ZNF804A: variants seen among roughly 807,000 people sequenced by gnomAD.
ZNF804A encodes zinc finger protein 804A.
A neutral mutation model predicts 16.5 loss-of-function variants in ZNF804A; 2 were observed. The ratio of observed to expected loss-of-function variants is 0.12; its 90% CI spans 0.05 to 0.38. ZNF804A has a LOEUF of 0.38. ZNF804A is among the 10% of genes least tolerant of loss of function. The probability of loss-of-function intolerance (pLI) is 0.99; values close to 1 mark genes in which losing one functional copy is unlikely to be tolerated. For missense variants in ZNF804A, 1,473 were observed against 1,390.7 expected, an observed-to-expected ratio of 1.06 and a Z score of -0.94; for synonymous variants, 534 against 489.6, an observed-to-expected ratio of 1.09 and a Z score of -1.20.
At chr2:184,875,270 G>A (rs1696035771) in intron 2 of ZNF804A, among the ~76,000 whole-genome samples, 2 of 152,314 alleles carry the variant, frequency 1.3e-5, no homozygotes, top group African/African-American at 2.4e-5. Context: ...GATCCCTGAT[G>A]TTGGAGGTAA....
intron 1 of ZNF804A, among the ~76,000 whole-genome samples, chr2:184,737,118 G>A (rs1693631181): frequency 6.6e-6 from 1 of 150,906 alleles, no homozygotes; most frequent in South Asian, 2.1e-4. Flanking sequence ...GTGTAGTGGC[G>A]CGATCTCGGC....
At chr2:184,771,044 T>C (rs1301986390) in intron 1 of ZNF804A, among the ~76,000 whole-genome samples, 1 of 152,024 alleles carries the variant, frequency 6.6e-6, no homozygotes, top group African/African-American at 2.4e-5. Flanking sequence ...TAAATTTTGA[T>C]ATATTAATTT....
At chr2:184,641,352 A>G (rs1167089326) in intron 1 of ZNF804A, among the ~76,000 whole-genome samples, 1 of 152,228 alleles carries the variant, frequency 6.6e-6, no homozygotes, top group Non-Finnish European at 1.5e-5. Flanking sequence ...CAAAGCATGT[A>G]GAAACAAAGT....
At chr2:184,645,491 A>C (rs2105696591) in intron 1 of ZNF804A, among the ~76,000 whole-genome samples, 1 of 152,298 alleles carries the variant, frequency 6.6e-6, no homozygotes, top group South Asian at 2.1e-4. Context: ...GTTTTTAAAT[A>C]TTCATTTATT....
chr2:184,683,928 A>G (rs1426428758), intron 1 of ZNF804A, among the ~76,000 whole-genome samples: 2 of 151,934 alleles, frequency 1.3e-5, no homozygotes, highest in Non-Finnish European at 2.9e-5. Context: ...AGCATCCTCT[A>G]TTGTTTCTTT....
intron 1 of ZNF804A, among the ~76,000 whole-genome samples, chr2:184,854,607 A>G (rs1360541193): frequency 6.6e-6 from 1 of 152,062 alleles, no homozygotes; most frequent in African/African-American, 2.4e-5. Flanking sequence ...ACAAAAAGTC[A>G]AACTGAACAA....
At chr2:184,769,176 C>T (rs1472886956) in intron 1 of ZNF804A, among the ~76,000 whole-genome samples, 2 of 152,050 alleles carry the variant, frequency 1.3e-5, no homozygotes, top group Non-Finnish European at 2.9e-5. Context: ...GGAGAATGAC[C>T]TATAGTAATT....
intron 1 of ZNF804A, among the ~76,000 whole-genome samples, chr2:184,605,366 C>G (rs1691128692): frequency 6.6e-6 from 1 of 151,970 alleles, no homozygotes; most frequent in Admixed American, 6.6e-5. Context: ...AAATTTTAAC[C>G]TAAACCATTT....
chr2:184,630,844 AT>A (rs1170136514), intron 1 of ZNF804A, among the ~76,000 whole-genome samples: 1 of 152,126 alleles, frequency 6.6e-6, no homozygotes, highest in Non-Finnish European at 1.5e-5. Context: ...TTAAACAGAT[AT>A]AAATAAAATC....
chr2:184,871,640 T>C (rs747221730), intron 2 of ZNF804A, among the ~76,000 whole-genome samples: 1 of 151,862 alleles, frequency 6.6e-6, no homozygotes, highest in Non-Finnish European at 1.5e-5. Flanking sequence ...TAGTAAAAAG[T>C]ATAACAAGAG....
intron 1 of ZNF804A, among the ~76,000 whole-genome samples, chr2:184,816,081 C>G (rs1476681509): frequency 6.6e-6 from 1 of 152,032 alleles, no homozygotes; most frequent in Non-Finnish European, 1.5e-5. Context: ...TTCCATTTTC[C>G]TCACTGCTGA....
At chr2:184,663,218 T>C (rs1023350139) in intron 1 of ZNF804A, among the ~76,000 whole-genome samples, 2 of 152,118 alleles carry the variant, frequency 1.3e-5, no homozygotes, top group Non-Finnish European at 2.9e-5. Flanking sequence ...GAAGCCCCCA[T>C]ACCCTCACAG....
intron 1 of ZNF804A, among the ~76,000 whole-genome samples, chr2:184,833,147 T>C (rs1695291419): frequency 6.6e-6 from 1 of 152,044 alleles, no homozygotes; most frequent in Admixed American, 6.6e-5. Context: ...CTCACACTTA[T>C]CTCAGCAATG....
At chr2:184,769,421 A>G (rs1406945315) in intron 1 of ZNF804A, among the ~76,000 whole-genome samples, 1 of 152,076 alleles carries the variant, frequency 6.6e-6, no homozygotes, top group Non-Finnish European at 1.5e-5. Context: ...TTTCAATTTT[A>G]TATTTCTGGA....
intron 1 of ZNF804A, among the ~76,000 whole-genome samples, chr2:184,659,342 C>T (rs1402705408): frequency 6.6e-6 from 1 of 152,066 alleles, no homozygotes; most frequent in East Asian, 1.9e-4. Flanking sequence ...CCCAGTCCTC[C>T]TCTCAGTAAT....
At chr2:184,707,740 G>T (rs566351341) in intron 1 of ZNF804A, among the ~76,000 whole-genome samples, 2 of 152,052 alleles carry the variant, frequency 1.3e-5, no homozygotes, top group African/African-American at 4.8e-5. Context: ...GAACAGTGTT[G>T]CATTTTTGAA....
intron 2 of ZNF804A, among the ~76,000 whole-genome samples, chr2:184,924,404 T>A (rs189338209): frequency 2.6e-4 from 40 of 151,960 alleles, no homozygotes; most frequent in Non-Finnish European, 4.7e-4. Flanking sequence ...TGGTATCTGT[T>A]GCAATCTCTC....
chr2:184,762,363 T>C (rs560425598), intron 1 of ZNF804A, among the ~76,000 whole-genome samples: 48 of 152,040 alleles, frequency 3.2e-4, no homozygotes, highest in Admixed American at 2.0e-4. Context: ...GGAGTCAAAA[T>C]GAATATATCG....
chr2:184,659,956 G>T (rs1048708445), intron 1 of ZNF804A, among the ~76,000 whole-genome samples: 1 of 152,078 alleles, frequency 6.6e-6, no homozygotes, highest in Non-Finnish European at 1.5e-5. Flanking sequence ...AAATTAGGAG[G>T]TAAAATTAGC....
Sources: gnomAD v4.1 joint callset for allele counts (sites outside exome capture counted in the v4.1 genomes callset) on GRCh38, gnomAD v4.1.1 for gene constraint, MANE v1.5 for transcripts, NCBI Gene and HGNC (gene_info 2026-07-23, HGNC 2026-07-21) for gene names.